Variants in SMYD2 observed in about 807,000 individuals in gnomAD.
SMYD2 encodes the protein SET and MYND domain containing 2, also known as N-lysine methyltransferase SMYD2.
In SMYD2, 53 loss-of-function variants were observed where a neutral mutation model predicts 59.1. The observed-to-expected ratio is 0.90, with a 90% CI of 0.72 to 1.13. The LOEUF (loss-of-function observed/expected upper bound fraction) is 1.13, where lower values mean the gene tolerates loss of function less well. SMYD2 is among the 50% of genes most tolerant of loss of function. SMYD2 has a pLI of 0.00. For synonymous variants in SMYD2, 208 were observed against 198.8 expected, an observed-to-expected ratio of 1.05 and a Z score of -0.39; for missense variants, 494 against 544.7, an observed-to-expected ratio of 0.91 and a Z score of 0.93.
chr1:214,300,932 G>A (rs1484520265), intron 1 of SMYD2, among the ~76,000 whole-genome samples: 1 of 152,168 alleles, frequency 6.6e-6, no homozygotes, highest in Non-Finnish European at 1.5e-5. Flanking sequence ...ACCGCAGAGA[G>A]CTTTTGTTTA....
chr1:214,295,474 T>C (rs1296072370), intron 1 of SMYD2, among the ~76,000 whole-genome samples: 2 of 152,234 alleles, frequency 1.3e-5, no homozygotes, highest in Admixed American at 1.3e-4. Context: ...TGTTATTTTA[T>C]AACTAGGTCA....
intron 1 of SMYD2, among the ~76,000 whole-genome samples, chr1:214,292,264 A>G (rs1656647972): frequency 6.6e-6 from 1 of 152,048 alleles, no homozygotes; most frequent in South Asian, 2.1e-4. Context: ...CTGCTGTGTT[A>G]TTTTCACTCT....
chr1:214,310,521 T>TTTG (rs10675977), intron 2 of SMYD2, among the ~76,000 whole-genome samples: 1 of 150,550 alleles, frequency 6.6e-6, no homozygotes, highest in African/African-American at 2.4e-5. Context: ...TTTTTTTTTT[T>TTTG]GGAAAATGAG....
chr1:214,288,487 G>T (rs182236431), intron 1 of SMYD2, among the ~76,000 whole-genome samples: 2 of 152,162 alleles, frequency 1.3e-5, no homozygotes, highest in African/African-American at 2.4e-5. Context: ...CCTACTGTGT[G>T]GTTCACCCAG....
rs767942854 is a variant in SMYD2 at position 214,336,810 on chromosome 1, T to C, written c.*26T>C. On this transcript the variant is annotated 3_prime_UTR_variant, in exon 12 of 12. Transcript: ENST00000366957. The stretch of plus-strand genomic sequence containing the variant: ...AACTATGCAGCATTTCAGTTTTCAT[T>C]TAAACACTTAGTTCAGAAACCTTAA... The C allele has an allele frequency of 1.3e-6, 2 of 1,591,000 alleles. No homozygotes were observed. Among genetic ancestry groups the C allele is most frequent in the South Asian group, 2.2e-5 (2 of 89,962 alleles).
chr1:214,331,102 A>AT, intron 9 of SMYD2, 32 bp downstream of exon 9: 1 of 1,607,082 alleles, frequency 6.2e-7, no homozygotes, highest in Non-Finnish European at 8.5e-7. Flanking sequence ...ATAGCTTATT[A>AT]TCCCTCGCCA....
chr1:214,302,275 G>A (rs1426559637), intron 1 of SMYD2, among the ~76,000 whole-genome samples: 1 of 151,354 alleles, frequency 6.6e-6, no homozygotes, highest in African/African-American at 2.4e-5. Flanking sequence ...GGAGGTGGAG[G>A]CTGCAGTGAG....
At chr1:214,335,622 A>C (rs1657423424) in intron 11 of SMYD2, among the ~76,000 whole-genome samples, 2 of 152,244 alleles carry the variant, frequency 1.3e-5, no homozygotes, top group African/African-American at 4.8e-5. Context: ...AAAAGAGCAA[A>C]TACATTCTTA....
intron 1 of SMYD2, among the ~76,000 whole-genome samples, chr1:214,289,679 C>T (rs1015626968): frequency 7.2e-5 from 11 of 152,212 alleles, no homozygotes; most frequent in African/African-American, 2.7e-4. Context: ...GAACTAGACA[C>T]ACCTAGAACA....
intron 1 of SMYD2, among the ~76,000 whole-genome samples, chr1:214,288,938 C>T (rs199596718): frequency 4.4e-5 from 6 of 136,706 alleles, no homozygotes; most frequent in South Asian, 2.4e-4. Flanking sequence ...AGCCCATAGT[C>T]TTTTTTTTTT....
Position 214,281,188 on chromosome 1 carries a change from G to T in SMYD2, c.-67G>T. The T allele has an allele frequency of 8.6e-7, 1 of 1,158,804 alleles. No individual in the cohort carries two copies. Among genetic ancestry groups the T allele is most frequent in the Non-Finnish European group, 1.1e-6 (1 of 926,632 alleles). 71.8% of individuals were successfully genotyped at this position (1,158,804 alleles called of 1,614,324 possible). A position where few individuals can be genotyped will look rare whatever the true frequency, so the allele number is the denominator to read the frequency against. The stretch of plus-strand genomic sequence containing the variant: ...CGCCCCCCGCAGCTCTAGGTGACGC[G>T]TCTCCAATAACAGCTCGCCGGGAGC... On this transcript the variant is annotated 5_prime_UTR_variant, in exon 1 of 12. Transcript: ENST00000366957.
intron 1 of SMYD2, among the ~76,000 whole-genome samples, chr1:214,289,756 C>T (rs769722182): frequency 1.1e-4 from 16 of 152,220 alleles, no homozygotes; most frequent in South Asian, 2.1e-4. Flanking sequence ...GCTCACTCAG[C>T]GTTTTTCTGT....
At position 214,336,689 on chromosome 1, in the gene SMYD2, C is replaced by G. The variant is rs1657444866; in HGVS notation, c.1222-15C>G. The G allele has an allele frequency of 6.2e-7, 1 of 1,612,496 alleles. No individual in the cohort carries two copies. The highest frequency in any genetic ancestry group is 8.5e-7 in the Non-Finnish European group (1 of 1,179,360). On this transcript the variant is annotated splice_polypyrimidine_tract_variant and intron_variant, in intron 11 of 11. Transcript: ENST00000366957. ...TGGCTTCTAGGCTCTCATTGTTTGT[C>G]TTGCTTTTTCCTAGGCCATTGCAAT...
In SMYD2 at chr1:214,336,882, A is replaced by G. The variant is rs932967375; in HGVS notation, c.*98A>G. ...GCACACGTCACTCCAGCATCTCTGT[A>G]AAATAATTGGAATGAAAATACTTCT... On this transcript the variant is annotated 3_prime_UTR_variant, in exon 12 of 12. Transcript: ENST00000366957. 1.1e-5 allele frequency: 11 copies of G among 1,047,062 alleles called. No individual in the cohort carries two copies. The African/African-American group carries it at 1.8e-4, about 17-fold the overall frequency. 64.9% of individuals were successfully genotyped at this position (1,047,062 alleles called of 1,614,324 possible). A position where few individuals can be genotyped will look rare whatever the true frequency, so the allele number is the denominator to read the frequency against.
At chr1:214,286,429 C>CT (rs539554533) in intron 1 of SMYD2, among the ~76,000 whole-genome samples, 18 of 152,090 alleles carry the variant, frequency 1.2e-4, no homozygotes, top group South Asian at 1.0e-3. Context: ...AGCCATATCA[C>CT]TTACTCCAGC....
chr1:214,326,824 G>A (rs1657271722), intron 6 of SMYD2, among the ~76,000 whole-genome samples: 1 of 152,194 alleles, frequency 6.6e-6, no homozygotes, highest in Admixed American at 6.5e-5. Context: ...GTGAGTGCCC[G>A]TAGGAGCATG....
chr1:214,300,628 T>C (rs1363152066), intron 1 of SMYD2, among the ~76,000 whole-genome samples: 2 of 152,236 alleles, frequency 1.3e-5, no homozygotes, highest in Admixed American at 6.5e-5. Context: ...TCCACTCACG[T>C]AGAGAGACTA....
chr1:214,299,482 T>TATATATATACAC (rs751839365), intron 1 of SMYD2, among the ~76,000 whole-genome samples: 50 of 45,916 alleles, frequency 1.1e-3, no homozygotes, highest in African/African-American at 3.1e-3. Flanking sequence ...TATATATATA[T>TATATATATACAC]ACACCATAGA....
intron 1 of SMYD2, among the ~76,000 whole-genome samples, chr1:214,299,484 C>CTATATATATATATATATATATAT: frequency 2.4e-5 from 1 of 41,056 alleles, no homozygotes; most frequent in South Asian, 8.2e-4. Flanking sequence ...TATATATATA[C>CTATATATATATATATATATATAT]ACCATAGAAT....
Sources: allele counts gnomAD v4.1 joint callset (sites outside exome capture counted in the v4.1 genomes callset), GRCh38; gene constraint gnomAD v4.1.1; transcripts MANE v1.5; gene names NCBI Gene and HGNC (gene_info 2026-07-23, HGNC 2026-07-21).